GANC: variants seen among roughly 807,000 people sequenced by gnomAD.
GANC encodes glucosidase alpha, neutral C, also known as neutral alpha-glucosidase C.
A neutral mutation model predicts 124.2 loss-of-function variants in GANC; 117 were observed. That is an observed-to-expected ratio of 0.94 (90% CI 0.81 to 1.10). GANC has a LOEUF of 1.10. GANC is among the 50% of genes least tolerant of loss of function. The pLI, the probability that GANC is intolerant of heterozygous loss-of-function variation, is 0.00. For missense variants in GANC, 1,140 were observed against 1,095.0 expected, an observed-to-expected ratio of 1.04 and a Z score of -0.58; for synonymous variants, 377 against 376.8, an observed-to-expected ratio of 1.00 and a Z score of -0.01.
chr15:42,293,552 AAT>A (rs2051863900), intron 5 of GANC, among the ~76,000 whole-genome samples: 1 of 147,326 alleles, frequency 6.8e-6, no homozygotes, highest in South Asian at 2.1e-4. Context: ...TGATACTAAA[AAT>A]ATCTCATTTT....
intron 3 of GANC, chr15:42,284,505 G>A (rs1822214589): frequency 6.5e-6 from 1 of 154,834 alleles, no homozygotes; most frequent in African/African-American, 2.4e-5. Context: ...CAGACTGAGA[G>A]GCGGGCTTCT....
intron 11 of GANC, among the ~76,000 whole-genome samples, chr15:42,325,646 A>AC (rs201020186): frequency 0.064 from 9,742 of 152,310 alleles, 396 homozygotes; most frequent in South Asian, 0.16. Context: ...CTGTATGTAT[A>AC]GTATGCAGCA....
At chr15:42,303,343 G>A (rs2051964447) in intron 6 of GANC, among the ~76,000 whole-genome samples, 1 of 152,076 alleles carries the variant, frequency 6.6e-6, no homozygotes, top group African/African-American at 2.4e-5. Flanking sequence ...CTTGCAAGAG[G>A]TCCTGAAGGA....
chr15:42,323,992 T>G (rs2052180821), intron 11 of GANC, among the ~76,000 whole-genome samples: 1 of 152,160 alleles, frequency 6.6e-6, no homozygotes, highest in Non-Finnish European at 1.5e-5. Context: ...TTGGGACCTT[T>G]GTGTAAACTG....
chr15:42,273,645 C>T lies in GANC; in HGVS notation c.-837C>T, dbSNP rs549698332. 3.6e-6 allele frequency: 2 copies of T among 561,984 alleles called. No homozygotes were observed. The highest frequency in any genetic ancestry group is 3.8e-5 in the African/African-American group (2 of 53,264). 34.8% of individuals were successfully genotyped at this position (561,984 alleles called of 1,614,324 possible). On this transcript the variant is annotated 5_prime_UTR_variant, in exon 1 of 24. Transcript: ENST00000318010. ...GGTTAGAGAGATCGCTACATGCCAGCCTGGCCTGAGTCTTTTCTGTCTCCC... is the reference window on the plus strand; with the variant it reads ...GGTTAGAGAGATCGCTACATGCCAGTCTGGCCTGAGTCTTTTCTGTCTCCC...
rs1477300033 is a variant in GANC at position 42,273,588 on chromosome 15, C to G, written c.-894C>G. 2.1e-6 allele frequency: 2 copies of G among 972,528 alleles called. No homozygotes were observed. Among genetic ancestry groups the G allele is most frequent in the Admixed American group, 5.7e-5 (2 of 35,260 alleles). The allele number at this position is 972,528 out of a possible 1,614,324, so 60.2% of individuals were successfully genotyped here. A position where few individuals can be genotyped will look rare whatever the true frequency, so the allele number is the denominator to read the frequency against. On this transcript the variant is annotated 5_prime_UTR_variant, in exon 1 of 24. Coordinates refer to ENST00000318010, the MANE Select transcript of GANC (RefSeq NM_198141.3). ...GCCGTGAGACTTTGGACCTACTGCG[C>G]AGGCGTCATCCTGTTGGAACCTGGT...
At chr15:42,334,756 G>GA (rs35908657) in intron 15 of GANC, among the ~76,000 whole-genome samples, 123,180 of 150,552 alleles carry the variant, frequency 0.82, 53,044 homozygotes, top group Non-Finnish European at 0.95. Flanking sequence ...TTGGTTTTCT[G>GA]AAAAAAAAAT....
At chr15:42,327,140 T>A (rs1000504902) in intron 12 of GANC, among the ~76,000 whole-genome samples, 1 of 152,236 alleles carries the variant, frequency 6.6e-6, no homozygotes, top group Admixed American at 6.5e-5. Flanking sequence ...TACTTGTGCA[T>A]TGGCATTCCC....
rs114567847 is a variant in GANC, at chr15:42,311,101, A to C, written c.1057+255A>C. 1.2e-3 allele frequency among the ~76,000 whole-genome samples: 182 copies of C among 152,322 alleles called. 2 individuals are homozygous for C. The highest frequency in any genetic ancestry group is 4.2e-3 in the African/African-American group (176 of 41,562). ...CCTTGAAGCTTTTAGCCCCTGGGCT[A>C]TCTCTACCTTTATCTCAGATGACCA... On this transcript the variant is annotated intron_variant, in intron 10 of 23. Coordinates refer to ENST00000318010, the MANE Select transcript of GANC (RefSeq NM_198141.3).
At chr15:42,275,898 A>G (rs2051666713) in intron 1 of GANC, among the ~76,000 whole-genome samples, 1 of 152,220 alleles carries the variant, frequency 6.6e-6, no homozygotes, top group South Asian at 2.1e-4. Flanking sequence ...CTCAGAGCCC[A>G]GCTCTCAGGA....
intron 18 of GANC, among the ~76,000 whole-genome samples, chr15:42,342,660 CCCACACTGA>C (rs1249637540): frequency 6.6e-6 from 1 of 152,092 alleles, no homozygotes; most frequent in African/African-American, 2.4e-5. Flanking sequence ...GGTCTGAGCA[CCCACACTGA>C]CCACACTTCT....
intron 7 of GANC, 63 bp from the exon 8 acceptor site, chr15:42,308,159 A>T: frequency 9.6e-7 from 1 of 1,036,666 alleles, no homozygotes; most frequent in Non-Finnish European, 1.5e-6. Flanking sequence ...ACTCAGAATT[A>T]ACTGAATCTC....
chr15:42,325,203 G>A (rs2052188744), intron 11 of GANC, among the ~76,000 whole-genome samples: 1 of 152,080 alleles, frequency 6.6e-6, no homozygotes, highest in African/African-American at 2.4e-5. Context: ...AACCCAGGAG[G>A]CGGAGGTTGC....
chr15:42,309,939 A>T (rs560136893), intron 8 of GANC, among the ~76,000 whole-genome samples: 57 of 152,042 alleles, frequency 3.7e-4, no homozygotes, highest in African/African-American at 1.3e-3. Context: ...AGAACTGCTG[A>T]CCCTGGAAGG....
chr15:42,308,227 T>G lies in GANC; in HGVS notation c.631T>G (p.Ser211Ala). ...CAGTATCCTGGTCTCTACAGGCCCT[T>G]CTTCTATTGGTTTGGATTTCTCCTT... ...KFVDIKANGP[S>A]SIGLDFSLHG... Residue 211 changes from serine to alanine, a missense_variant, in exon 8 of 24, where the codon TCT becomes GCT. Coordinates refer to ENST00000318010, the MANE Select transcript of GANC (RefSeq NM_198141.3). 1 of 1,602,848 alleles carries G rather than the reference T, an allele frequency of 6.2e-7. No individual in the cohort carries two copies. The highest frequency in any genetic ancestry group is 1.1e-5 in the South Asian group (1 of 90,136).
intron 22 of GANC, among the ~76,000 whole-genome samples, chr15:42,349,739 C>A (rs1014362015): frequency 6.6e-6 from 1 of 152,044 alleles, no homozygotes; most frequent in African/African-American, 2.4e-5. Context: ...CCTCCACCTC[C>A]TGGGTTCAAG....
Position 42,292,789 on chromosome 15 carries a change from A to G in GANC, c.384A>G (p.Gly128=). The change falls in exon 5 of 24, where the codon GGA becomes GGG. Residue 128 remains glycine, a synonymous_variant. Coordinates refer to ENST00000318010, the MANE Select transcript of GANC (RefSeq NM_198141.3). The part of the protein sequence containing the change: ...TGSLILADGK[G]DLKCHITANP... ...GTCTGATATTGGCAGATGGAAAAGGAGACCTGAAGTGCCATATCACAGCAA... is the reference window on the plus strand; with the variant it reads ...GTCTGATATTGGCAGATGGAAAAGGGGACCTGAAGTGCCATATCACAGCAA... 1 of 1,614,126 alleles carries G rather than the reference A, an allele frequency of 6.2e-7. No individual in the cohort carries two copies. The highest frequency in any genetic ancestry group is 1.7e-5 in the Admixed American group (1 of 60,018).
Position 42,287,780 on chromosome 15 carries a change from A to G in GANC, c.291A>G (p.Glu97=), listed in dbSNP as rs1417283916. The change falls in exon 4 of 24, where the codon GAA becomes GAG. Residue 97 remains glutamate, a synonymous_variant. Coordinates refer to ENST00000318010, the MANE Select transcript of GANC (RefSeq NM_198141.3). ...AGACTCCTCTAAAACCCAGATTTGA[A>G]GTTCCGGATGTCCTCACAAGCAAGC... ...NEETPLKPRF[E]VPDVLTSKPS... 1.9e-6 allele frequency: 3 copies of G among 1,613,402 alleles called. No homozygotes were observed. Among genetic ancestry groups the G allele is most frequent in the Non-Finnish European group, 2.5e-6 (3 of 1,179,536 alleles).
intron 16 of GANC, among the ~76,000 whole-genome samples, chr15:42,339,357 C>G (rs536213257): frequency 4.9e-4 from 65 of 132,404 alleles, no homozygotes; most frequent in South Asian, 2.8e-3. Context: ...CACACACACA[C>G]AGTTATTTAA....
Sources: allele counts gnomAD v4.1 joint callset (sites outside exome capture counted in the v4.1 genomes callset), GRCh38; gene constraint gnomAD v4.1.1; transcripts MANE v1.5; gene names NCBI Gene and HGNC (gene_info 2026-07-23, HGNC 2026-07-21).